The following TRPC5 variants were observed in gnomAD, a reference collection of about 807,000 sequenced individuals.
The protein encoded by TRPC5 is transient receptor potential cation channel subfamily C member 5.
Under a neutral mutation model 56.5 loss-of-function variants are expected in TRPC5, and 9 were observed. That is an observed-to-expected ratio of 0.16 (90% CI 0.10 to 0.28). TRPC5 has a LOEUF of 0.28. TRPC5 is among the 10% of genes least tolerant of loss of function. The probability of loss-of-function intolerance (pLI) is 1.00; values close to 1 mark genes in which losing one functional copy is unlikely to be tolerated. For synonymous variants in TRPC5, 282 were observed against 278.5 expected, an observed-to-expected ratio of 1.01 and a Z score of -0.13; for missense variants, 469 against 748.9, an observed-to-expected ratio of 0.63 and a Z score of 4.36.
intron 7 of TRPC5, among the ~76,000 whole-genome samples, chrX:111,828,241 A>G (rs1474808301): frequency 8.9e-6 from 1 of 111,751 alleles, no homozygotes; most frequent in Non-Finnish European, 1.9e-5. Flanking sequence ...CCCAAATCTC[A>G]TATTGAATTA....
At chrX:112,026,409 A>T (rs1420993055) in intron 1 of TRPC5, among the ~76,000 whole-genome samples, 1 of 112,443 alleles carries the variant, frequency 8.9e-6, no homozygotes, top group African/African-American at 3.2e-5. Flanking sequence ...TTTGAATAAG[A>T]GCTATGGTTT....
intron 7 of TRPC5, among the ~76,000 whole-genome samples, chrX:111,784,763 G>T (rs932949405): frequency 1.8e-5 from 2 of 112,787 alleles, no homozygotes; most frequent in African/African-American, 6.4e-5. Flanking sequence ...AGAGAAGAAG[G>T]TTCTCTCCCG....
chrX:112,062,164 ACTCT>A (rs1211236043), intron 1 of TRPC5, among the ~76,000 whole-genome samples: 2 of 111,335 alleles, frequency 1.8e-5, no homozygotes, highest in Admixed American at 9.6e-5. Context: ...TGATGTAGTA[ACTCT>A]CTCAGGTCAA....
intron 2 of TRPC5, among the ~76,000 whole-genome samples, chrX:111,933,916 T>A (rs976333947): frequency 3.6e-5 from 4 of 111,601 alleles, no homozygotes; most frequent in African/African-American, 1.3e-4. Flanking sequence ...TGATTCATTA[T>A]TGTACATATT....
At chrX:112,044,959 C>A (rs191496714) in intron 1 of TRPC5, among the ~76,000 whole-genome samples, 118 of 112,352 alleles carry the variant, frequency 1.1e-3, no homozygotes, top group African/African-American at 3.6e-3. Context: ...CAGCATGTAA[C>A]TTCTTATAAA....
intron 2 of TRPC5, among the ~76,000 whole-genome samples, chrX:111,918,711 G>A (rs1019151361): frequency 4.5e-5 from 5 of 111,602 alleles, no homozygotes; most frequent in African/African-American, 1.6e-4. Context: ...GGGACTTGAG[G>A]TCTCTTTGAA....
At chrX:111,930,871 T>C (rs759010372) in intron 2 of TRPC5, 1 of 114,203 alleles carries the variant, frequency 8.8e-6, no homozygotes, top group South Asian at 3.7e-4. Flanking sequence ...CAGGCATGCA[T>C]GCCAATGGAG....
chrX:111,892,997 A>G (rs772879498), intron 3 of TRPC5, among the ~76,000 whole-genome samples: 2 of 111,099 alleles, frequency 1.8e-5, no homozygotes, highest in East Asian at 5.7e-4. Flanking sequence ...CATTATCTTC[A>G]TCTTACAGAT....
chrX:111,965,132 C>A (rs1472823946), intron 1 of TRPC5, among the ~76,000 whole-genome samples: 1 of 107,199 alleles, frequency 9.3e-6, no homozygotes, highest in Admixed American at 9.8e-5. Context: ...GGAGGAAGGT[C>A]TACCAAGCAA....
At chrX:111,801,725 T>C (rs142083238) in intron 7 of TRPC5, among the ~76,000 whole-genome samples, 8,859 of 111,993 alleles carry the variant, frequency 0.079, 888 homozygotes, top group African/African-American at 0.27. Flanking sequence ...CTTTGCCCAC[T>C]TAAAAAATCA....
intron 3 of TRPC5, among the ~76,000 whole-genome samples, chrX:111,869,508 G>A (rs1923666804): frequency 8.9e-6 from 1 of 111,922 alleles, no homozygotes; most frequent in Admixed American, 9.5e-5. Context: ...TTTCAAACTA[G>A]GGCTAAGCCT....
intron 1 of TRPC5, among the ~76,000 whole-genome samples, chrX:112,054,922 C>T (rs1363259051): frequency 9.0e-6 from 1 of 111,023 alleles, no homozygotes; most frequent in Non-Finnish European, 1.9e-5. Context: ...TATGAGGAAA[C>T]TTGAGGACTC....
At chrX:112,055,717 A>G (rs1039890911) in intron 1 of TRPC5, among the ~76,000 whole-genome samples, 1 of 108,574 alleles carries the variant, frequency 9.2e-6, no homozygotes, top group African/African-American at 3.3e-5. Context: ...GTACAGTAGC[A>G]TATGTTTAGT....
chrX:111,848,698 TCTC>T (rs1409375283), intron 5 of TRPC5, among the ~76,000 whole-genome samples: 1 of 112,518 alleles, frequency 8.9e-6, no homozygotes, highest in East Asian at 2.8e-4. Flanking sequence ...CCAATATTCT[TCTC>T]TGTCAGAGGA....
At chrX:111,911,821 C>T (rs758213347) in intron 3 of TRPC5, among the ~76,000 whole-genome samples, 13 of 112,270 alleles carry the variant, frequency 1.2e-4, no homozygotes, top group Non-Finnish European at 1.3e-4. Flanking sequence ...TACCAGCATC[C>T]AGGCAGCGAC....
intron 2 of TRPC5, among the ~76,000 whole-genome samples, chrX:111,938,510 C>T (rs193220240): frequency 3.5e-4 from 39 of 111,289 alleles, no homozygotes; most frequent in African/African-American, 1.1e-3. Context: ...TATTATTTTG[C>T]GATACATCCC....
At chrX:112,065,049 A>G (rs1231323045) in intron 1 of TRPC5, among the ~76,000 whole-genome samples, 1 of 106,070 alleles carries the variant, frequency 9.4e-6, no homozygotes, top group Non-Finnish European at 1.9e-5. Context: ...AGTGTACTCC[A>G]GCCTGGGAGA....
intron 7 of TRPC5, among the ~76,000 whole-genome samples, chrX:111,807,407 G>T (rs183264585): frequency 8.9e-6 from 1 of 111,983 alleles, no homozygotes; most frequent in South Asian, 3.7e-4. Context: ...ATTTCTTCCC[G>T]ATTCTTTTAA....
chrX:112,064,072 C>G (rs191825764), intron 1 of TRPC5, among the ~76,000 whole-genome samples: 207 of 112,277 alleles, frequency 1.8e-3, no homozygotes, highest in African/African-American at 6.4e-3. Flanking sequence ...ATGGTCACTT[C>G]TGTCATATAT....
Sources: gnomAD v4.1 joint callset for allele counts (sites outside exome capture counted in the v4.1 genomes callset) on GRCh38, gnomAD v4.1.1 for gene constraint, MANE v1.5 for transcripts, NCBI Gene and HGNC (gene_info 2026-07-23, HGNC 2026-07-21) for gene names.